The following ADAMTSL3 variants were observed in gnomAD, a reference collection of about 807,000 sequenced individuals.
The protein encoded by ADAMTSL3 is ADAMTS-like protein 3.
ADAMTSL3 carries 128 observed loss-of-function variants against 201.7 expected under a neutral mutation model. The ratio of observed to expected loss-of-function variants is 0.63; its 90% CI spans 0.55 to 0.73. The LOEUF (loss-of-function observed/expected upper bound fraction) is 0.73. Among genes scored for constraint, ADAMTSL3 ranks in the 30% least tolerant of loss-of-function variants. The pLI is 0.00. For missense variants in ADAMTSL3, 1,990 were observed against 2,119.6 expected, an observed-to-expected ratio of 0.94 and a Z score of 1.20; for synonymous variants, 738 against 748.4, an observed-to-expected ratio of 0.99 and a Z score of 0.23.
chr15:83,926,336 C>G (rs2066244914), intron 17 of ADAMTSL3, among the ~76,000 whole-genome samples: 1 of 152,174 alleles, frequency 6.6e-6, no homozygotes, highest in African/African-American at 2.4e-5. Flanking sequence ...ACGGTAAGCA[C>G]TTGGACTTCA....
At chr15:83,964,538 C>A (rs142391806) in intron 19 of ADAMTSL3, among the ~76,000 whole-genome samples, 1 of 152,166 alleles carries the variant, frequency 6.6e-6, no homozygotes, top group African/African-American at 2.4e-5. Flanking sequence ...AAGACCAAAC[C>A]TACGTTTGTT....
At chr15:83,697,771 C>G (rs2061705264) in intron 2 of ADAMTSL3, among the ~76,000 whole-genome samples, 1 of 152,076 alleles carries the variant, frequency 6.6e-6, no homozygotes, top group Non-Finnish European at 1.5e-5. Context: ...GGCTTCATTA[C>G]CCAGGCATGG....
intron 2 of ADAMTSL3, among the ~76,000 whole-genome samples, chr15:83,697,483 A>T (rs1054204439): frequency 3.9e-5 from 6 of 152,190 alleles, no homozygotes; most frequent in Non-Finnish European, 7.3e-5. Context: ...GTTATCACTT[A>T]TACTTCTGAC....
chr15:83,667,742 A>G (rs17527969), intron 2 of ADAMTSL3, among the ~76,000 whole-genome samples: 4,532 of 152,056 alleles, frequency 0.03, 106 homozygotes, highest in Non-Finnish European at 0.05. Flanking sequence ...CAAAAATGAC[A>G]TGGTACATAG....
intron 19 of ADAMTSL3, among the ~76,000 whole-genome samples, chr15:83,957,828 CAT>C (rs1490308279): frequency 6.6e-6 from 1 of 152,224 alleles, no homozygotes; most frequent in East Asian, 1.9e-4. Flanking sequence ...ATCATCAACA[CAT>C]ATGTGGTAGT....
chr15:83,718,688 C>T (rs1388653506), intron 3 of ADAMTSL3, among the ~76,000 whole-genome samples: 1 of 126,542 alleles, frequency 7.9e-6, no homozygotes, highest in Non-Finnish European at 1.7e-5. Context: ...GAGACTCCGT[C>T]TCAAAAAAAA....
chr15:83,667,783 T>C (rs554491732), intron 2 of ADAMTSL3, among the ~76,000 whole-genome samples: 12 of 152,102 alleles, frequency 7.9e-5, no homozygotes, highest in Non-Finnish European at 1.6e-4. Context: ...TGACCAAAAA[T>C]TGGATTGTCC....
chr15:83,899,827 A>C (rs932821124), intron 15 of ADAMTSL3, 96 bp downstream of exon 15: 4 of 1,445,966 alleles, frequency 2.8e-6, no homozygotes, highest in Non-Finnish European at 3.7e-6. Flanking sequence ...GATACATTTA[A>C]TATCCAAATG....
intron 6 of ADAMTSL3, among the ~76,000 whole-genome samples, chr15:83,825,321 G>A (rs545954670): frequency 5.3e-5 from 8 of 152,294 alleles, no homozygotes; most frequent in Non-Finnish European, 1.2e-4. Flanking sequence ...GTTATTAAAA[G>A]CAATTTAGGT....
intron 8 of ADAMTSL3, among the ~76,000 whole-genome samples, chr15:83,866,230 A>G (rs1377529020): frequency 6.6e-6 from 1 of 152,186 alleles, no homozygotes; most frequent in African/African-American, 2.4e-5. Flanking sequence ...AACTAGAAAT[A>G]CCATTTAACC....
At chr15:83,690,476 G>C (rs975234135) in intron 2 of ADAMTSL3, among the ~76,000 whole-genome samples, 1 of 152,130 alleles carries the variant, frequency 6.6e-6, no homozygotes, top group Non-Finnish European at 1.5e-5. Flanking sequence ...TGTTGTTCTA[G>C]AAGATCTGTT....
chr15:83,988,729 A>G lies in ADAMTSL3; in HGVS notation c.3755A>G (p.Asn1252Ser), dbSNP rs1224708482. 1 of 1,609,240 alleles carries G rather than the reference A, an allele frequency of 6.2e-7. No individual in the cohort carries two copies. The highest frequency in any genetic ancestry group is 1.1e-5 in the South Asian group (1 of 90,132). ...LDGTGKIQIQ[N>S]PTRKEQGIYE... ...GGAACTGGGAAGATACAGATACAGA[A>G]TCCTACAAGGAAAGAACAAGGCATA... Residue 1252 changes from asparagine to serine, a missense_variant, in exon 22 of 30, where the codon AAT becomes AGT. Asn to Ser is a conservative substitution (Grantham distance 46). Coordinates refer to ENST00000286744, the MANE Select transcript of ADAMTSL3 (RefSeq NM_207517.3).
At chr15:83,964,140 G>T (rs2067032773) in intron 19 of ADAMTSL3, among the ~76,000 whole-genome samples, 1 of 152,130 alleles carries the variant, frequency 6.6e-6, no homozygotes, top group African/African-American at 2.4e-5. Flanking sequence ...ACAACTCCTT[G>T]CCAGCAAGGG....
chr15:83,753,665 T>G (rs1197231796), intron 3 of ADAMTSL3, among the ~76,000 whole-genome samples: 1 of 152,188 alleles, frequency 6.6e-6, no homozygotes, highest in Admixed American at 6.5e-5. Context: ...ACTGTGCTTT[T>G]TTTTTTTCTT....
chr15:83,728,190 TG>T (rs1235660228), intron 3 of ADAMTSL3, among the ~76,000 whole-genome samples: 3 of 152,026 alleles, frequency 2.0e-5, no homozygotes, highest in African/African-American at 4.8e-5. Context: ...TGCTCTTTCT[TG>T]GTTTCCATTG....
Position 83,755,294 on chromosome 15 carries a change from A to G in ADAMTSL3, c.190-18229A>G, listed in dbSNP as rs535984718. ...ACATTTACCATTGTAACCATTTTTA[A>G]GTGTACAGTTTAGTGGCATCATGTA... On this transcript the variant is annotated intron_variant, in intron 3 of 29. Coordinates refer to ENST00000286744, the MANE Select transcript of ADAMTSL3 (RefSeq NM_207517.3). Among the ~76,000 whole-genome samples the G allele has an allele frequency of 2.6e-5, 4 of 152,304 alleles. No homozygotes were observed. In the East Asian group the frequency reaches 5.8e-4, roughly 22 times the overall value.
At chr15:83,764,674 A>C (rs1310124954) in intron 3 of ADAMTSL3, among the ~76,000 whole-genome samples, 1 of 152,040 alleles carries the variant, frequency 6.6e-6, no homozygotes, top group African/African-American at 2.4e-5. Flanking sequence ...GATAATGAGA[A>C]TCGTCAAATC....
At chr15:83,992,317 T>C (rs1360944932) in intron 23 of ADAMTSL3, among the ~76,000 whole-genome samples, 1 of 152,234 alleles carries the variant, frequency 6.6e-6, no homozygotes, top group Non-Finnish European at 1.5e-5. Flanking sequence ...GGAAATTTGC[T>C]AACCCCCAAG....
At chr15:83,971,184 A>G (rs2067187832) in intron 20 of ADAMTSL3, among the ~76,000 whole-genome samples, 1 of 152,232 alleles carries the variant, frequency 6.6e-6, no homozygotes, top group South Asian at 2.1e-4. Context: ...AGCCAAAGCT[A>G]ATATGCATGT....
Sources: allele counts gnomAD v4.1 joint callset (sites outside exome capture counted in the v4.1 genomes callset), GRCh38; gene constraint gnomAD v4.1.1; transcripts MANE v1.5; gene names NCBI Gene and HGNC (gene_info 2026-07-23, HGNC 2026-07-21).